PDE10A: variants seen among roughly 807,000 people sequenced by gnomAD.
PDE10A encodes the protein phosphodiesterase 10A.
In PDE10A, 39 loss-of-function variants were observed where a neutral mutation model predicts 97.7. That is an observed-to-expected ratio of 0.40 (90% CI 0.31 to 0.52). The LOEUF is 0.52. PDE10A is among the 20% of genes least tolerant of loss of function. The probability of loss-of-function intolerance (pLI) is 0.56; values close to 1 mark genes in which losing one functional copy is unlikely to be tolerated. For synonymous variants in PDE10A, 371 were observed against 376.8 expected, an observed-to-expected ratio of 0.98 and a Z score of 0.18; for missense variants, 731 against 1,047.8, an observed-to-expected ratio of 0.70 and a Z score of 4.17.
rs144730749 is a variant in PDE10A, at chr6:165,922,125, G to A, written c.-615+65404C>T. Among the ~76,000 whole-genome samples, 1,171 of 152,316 alleles carry A rather than the reference G, an allele frequency of 7.7e-3. 19 individuals carry two copies. Among genetic ancestry groups the A allele is most frequent in the African/African-American group, 0.026 (1,081 of 41,568 alleles). On this transcript the variant is annotated intron_variant, in intron 1 of 19. Transcript: ENST00000366882. ...TTGCATGTGAGAGAAAGCAGTCAAAGACAACCTCAAGATTTTTGGGCAGTG... is the reference window on the plus strand; with the variant it reads ...TTGCATGTGAGAGAAAGCAGTCAAAAACAACCTCAAGATTTTTGGGCAGTG...
chr6:165,767,957 GT>G (rs751782169), intron 1 of PDE10A, among the ~76,000 whole-genome samples: 2 of 151,832 alleles, frequency 1.3e-5, no homozygotes, highest in Non-Finnish European at 2.9e-5. Flanking sequence ...CGTTTTTTGT[GT>G]TTTTTTTAAA....
At chr6:165,981,290 C>G (rs910802753) in intron 1 of PDE10A, among the ~76,000 whole-genome samples, 3 of 152,098 alleles carry the variant, frequency 2.0e-5, no homozygotes, top group African/African-American at 7.2e-5. Context: ...TAGGTAACTT[C>G]CTCTCCCCAC....
chr6:165,403,116 C>T (rs761412098), intron 13 of PDE10A, among the ~76,000 whole-genome samples: 12 of 152,114 alleles, frequency 7.9e-5, no homozygotes, highest in South Asian at 2.1e-4. Context: ...AAGAATGTAA[C>T]GTTCAATGGA....
At chr6:165,716,168 G>T (rs560391577) in intron 1 of PDE10A, among the ~76,000 whole-genome samples, 3 of 152,200 alleles carry the variant, frequency 2.0e-5, no homozygotes, top group African/African-American at 7.2e-5. Flanking sequence ...TGGAGTGAGA[G>T]GCCTTCTGGG....
At chr6:165,887,619 T>A (rs1447866011) in intron 1 of PDE10A, among the ~76,000 whole-genome samples, 1 of 152,196 alleles carries the variant, frequency 6.6e-6, no homozygotes, top group Admixed American at 6.5e-5. Context: ...AAGACCAATA[T>A]GCTTAGAGTT....
rs1207879704 is a variant in PDE10A at position 165,588,271 on chromosome 6, AT to A, written c.866-44704del. Among the ~76,000 whole-genome samples the A allele has an allele frequency of 8.0e-4, 83 of 103,452 alleles. 2 individuals carry two copies. The East Asian group carries it at 0.024, about 30-fold the overall frequency. 67.9% of individuals were successfully genotyped at this position (103,452 alleles called of 152,430 possible). On this transcript the variant is annotated intron_variant, in intron 1 of 21. Transcript: ENST00000539869. ...TGGAGAGTGAGGGAAATAAAGTGAGATTTTTTTTTCTTTTTTTTTTTTTTTT... is the reference window on the plus strand; with the variant it reads ...TGGAGAGTGAGGGAAATAAAGTGAGATTTTTTTTCTTTTTTTTTTTTTTTT...
At chr6:165,722,198 T>C (rs1250519885) in intron 1 of PDE10A, among the ~76,000 whole-genome samples, 1 of 152,262 alleles carries the variant, frequency 6.6e-6, no homozygotes, top group African/African-American at 2.4e-5. Flanking sequence ...TGTCCAGTGC[T>C]GTGAGATAAA....
intron 2 of PDE10A, among the ~76,000 whole-genome samples, chr6:165,532,787 T>C (rs1238157027): frequency 6.6e-6 from 1 of 152,172 alleles, no homozygotes; most frequent in Non-Finnish European, 1.5e-5. Context: ...AAGAAAACAC[T>C]TTCCAGTTTT....
chr6:165,897,495 G>C (rs1781986002), intron 1 of PDE10A, among the ~76,000 whole-genome samples: 1 of 152,038 alleles, frequency 6.6e-6, no homozygotes, highest in African/African-American at 2.4e-5. Context: ...CAGGGAGTGA[G>C]GTCCCTGGAG....
chr6:165,737,930 A>G (rs1421220555), intron 1 of PDE10A, among the ~76,000 whole-genome samples: 1 of 152,252 alleles, frequency 6.6e-6, no homozygotes. Flanking sequence ...TAAGACATTT[A>G]GAGCTAATAA....
intron 1 of PDE10A, among the ~76,000 whole-genome samples, chr6:165,927,946 C>G (rs1782995438): frequency 6.6e-6 from 1 of 150,642 alleles, no homozygotes; most frequent in Admixed American, 6.6e-5. Flanking sequence ...ATCTGCGCAC[C>G]CTCGCCTCCC....
At chr6:165,786,361 T>C (rs1032313269) in intron 1 of PDE10A, among the ~76,000 whole-genome samples, 6 of 152,182 alleles carry the variant, frequency 3.9e-5, no homozygotes, top group Non-Finnish European at 8.8e-5. Flanking sequence ...AAAAGAGTAA[T>C]TAGCAAATGC....
chr6:165,674,062 G>T (rs879534314), intron 1 of PDE10A, among the ~76,000 whole-genome samples: 4 of 152,116 alleles, frequency 2.6e-5, no homozygotes, highest in Non-Finnish European at 5.9e-5. Flanking sequence ...AACCTGAGCT[G>T]GTCAGAAGCA....
chr6:165,925,937 T>G (rs1419668383), intron 1 of PDE10A, among the ~76,000 whole-genome samples: 1 of 152,238 alleles, frequency 6.6e-6, no homozygotes, highest in African/African-American at 2.4e-5. Context: ...TTGATTACCA[T>G]AGCAGACTGT....
chr6:165,596,373 G>A (rs572286482), intron 1 of PDE10A, among the ~76,000 whole-genome samples: 12 of 152,208 alleles, frequency 7.9e-5, no homozygotes, highest in South Asian at 2.1e-4. Flanking sequence ...TCCTACAGTC[G>A]GTTCTCAATA....
intron 1 of PDE10A, among the ~76,000 whole-genome samples, chr6:165,845,484 G>T (rs1159495325): frequency 6.6e-6 from 1 of 152,170 alleles, no homozygotes; most frequent in Non-Finnish European, 1.5e-5. Context: ...ATTCTCAGGG[G>T]AAAAGAAGGT....
chr6:165,426,164 C>G (rs1026169386), intron 10 of PDE10A, among the ~76,000 whole-genome samples: 1 of 152,078 alleles, frequency 6.6e-6, no homozygotes, highest in Admixed American at 6.6e-5. Context: ...ATCAGCATTC[C>G]ACCTGATTTC....
chr6:165,729,969 A>C (rs1349426089), intron 1 of PDE10A, among the ~76,000 whole-genome samples: 1 of 152,224 alleles, frequency 6.6e-6, no homozygotes, highest in African/African-American at 2.4e-5. Flanking sequence ...ATTTATATAC[A>C]TATATATCAC....
At chr6:165,968,967 T>C (rs1428846468) in intron 1 of PDE10A, among the ~76,000 whole-genome samples, 6 of 152,146 alleles carry the variant, frequency 3.9e-5, no homozygotes, top group Non-Finnish European at 8.8e-5. Context: ...ATCATCACCC[T>C]GATGAAACCT....
Sources: gnomAD v4.1 joint callset for allele counts (sites outside exome capture counted in the v4.1 genomes callset) on GRCh38, gnomAD v4.1.1 for gene constraint, MANE v1.5 for transcripts, NCBI Gene and HGNC (gene_info 2026-07-23, HGNC 2026-07-21) for gene names.